PLCG1: variants seen among roughly 807,000 people sequenced by gnomAD.
PLCG1 encodes phospholipase C gamma 1.
A neutral mutation model predicts 177.8 loss-of-function variants in PLCG1; 71 were observed. The ratio of observed to expected loss-of-function variants is 0.40; its 90% confidence interval spans 0.33 to 0.49. The LOEUF (loss-of-function observed/expected upper bound fraction) is 0.49, where lower values mean the gene tolerates loss of function less well. Ranked by LOEUF, PLCG1 falls within the 20% of genes least tolerant of loss-of-function variation. The pLI, the probability that PLCG1 is intolerant of heterozygous loss-of-function variation, is 0.72. For synonymous variants in PLCG1, 658 were observed against 647.9 expected (o/e 1.02, Z -0.24); for missense variants, 1,281 against 1,709.0 (o/e 0.75, Z 4.42).
Position 41,156,497 on chromosome 20 carries a change from G to T in PLCG1, c.218-3109G>T, listed in dbSNP as rs569911548. Among the ~76,000 whole-genome samples, 3 of 152,136 alleles carry T rather than the reference G, an allele frequency of 2.0e-5. No homozygotes were observed. The highest frequency in any genetic ancestry group is 2.9e-5 in the Non-Finnish European group (2 of 68,024). Reference sequence around the variant, plus strand: ...CCTTTGTCATTATGCTATACATCAGGCTTCTGGGCTGCTACTTGTGGGATC... The same window carrying T: ...CCTTTGTCATTATGCTATACATCAGTCTTCTGGGCTGCTACTTGTGGGATC... On this transcript the variant is annotated intron_variant, in intron 1 of 31. Coordinates refer to ENST00000685551, the MANE Select transcript of PLCG1 (RefSeq NM_002660.3). The surrounding 1 kb of genome is among the most constrained non-coding windows in gnomAD (Gnocchi z 5.0).
intron 20 of PLCG1, among the ~76,000 whole-genome samples, chr20:41,168,371 A>G (rs966379095): frequency 6.6e-6 from 1 of 152,140 alleles, no homozygotes; most frequent in Non-Finnish European, 1.5e-5. Flanking sequence ...CACTTCACAG[A>G]TGAGTGGTAG....
rs1214244571 is a variant in PLCG1 at position 41,137,793 on chromosome 20, T to A, written c.152T>A (p.Phe51Tyr). ...KKSQRPERKTFQVKLETRQIT... is the reference protein window; with the variant it reads ...KKSQRPERKTYQVKLETRQIT... ...TCGCAGCGACCCGAGCGGAAGACCTTCCAGGTCAAGCTGGAGACGCGCCAG... is the reference window on the plus strand; with the variant it reads ...TCGCAGCGACCCGAGCGGAAGACCTACCAGGTCAAGCTGGAGACGCGCCAG... Residue 51 changes from phenylalanine to tyrosine, a missense_variant, in exon 1 of 32, where the codon TTC (phenylalanine) becomes TAC (tyrosine). Physicochemically the swap from Phe to Tyr is conservative, Grantham distance 22. Transcript: ENST00000685551. The surrounding 1 kb of genome is among the most constrained non-coding windows in gnomAD (Gnocchi z 7.3). 1.5e-6 allele frequency: 2 copies of A among 1,302,790 alleles called. No homozygotes were observed. Among genetic ancestry groups the A allele is most frequent in the African/African-American group, 1.5e-5 (1 of 65,822 alleles). 80.7% of individuals were successfully genotyped at this position (1,302,790 alleles called of 1,614,324 possible).
chr20:41,145,664 G>T (rs2146003770), intron 1 of PLCG1, among the ~76,000 whole-genome samples: 1 of 152,254 alleles, frequency 6.6e-6, no homozygotes, highest in Non-Finnish European at 1.5e-5. Context: ...GGGAATATGG[G>T]TGCCTAGAGA....
rs998609180 is a variant in PLCG1, at chr20:41,164,450, T to C, written c.1217+249T>C. ...TGGGTCCTTTAGACTGTAGAACACA[T>C]GCTCTTCTCATCTTCAGAAAACATG... On this transcript the variant is annotated intron_variant, in intron 12 of 31. Transcript: ENST00000685551. This position sits in a 1 kb window ranked among gnomAD's most constrained non-coding sequence, Gnocchi z 6.4. Among the ~76,000 whole-genome samples, 22 of 152,262 alleles carry C rather than the reference T, an allele frequency of 1.4e-4. No individual in the cohort carries two copies. The highest frequency in any genetic ancestry group is 5.3e-4 in the African/African-American group (22 of 41,552).
At position 41,166,201 on chromosome 20, in the gene PLCG1, G is replaced by C; in HGVS notation, c.1807G>C (p.Gly603Arg). ...ACTCTGTGTCTTCCACAGGCGGAACGGGAAAGTCCAGCACTGCCGTATCCA... is the reference window on the plus strand; with the variant it reads ...ACTCTGTGTCTTCCACAGGCGGAACCGGAAAGTCCAGCACTGCCGTATCCA... Reference protein sequence around the residue: ...GDYTLSFWRNGKVQHCRIHSR... With the variant: ...GDYTLSFWRNRKVQHCRIHSR... Residue 603 changes from glycine to arginine, a missense_variant, in exon 17 of 32, where the codon GGG becomes CGG. Around this residue, in one of 4 missense-constraint regions of PLCG1, gnomAD observed 723 missense variants for 1,030.0 expected, o/e 0.70. Coordinates refer to ENST00000685551, the MANE Select transcript of PLCG1 (RefSeq NM_002660.3). This position sits in a 1 kb window ranked among gnomAD's most constrained non-coding sequence, Gnocchi z 8.6. 6.2e-7 allele frequency: 1 copy of C among 1,613,080 alleles called. No individual in the cohort carries two copies. Among genetic ancestry groups the C allele is most frequent in the Non-Finnish European group, 8.5e-7 (1 of 1,179,958 alleles).
At chr20:41,162,606 A>G (rs1462283887) in intron 5 of PLCG1, 36 bp from the exon 6 acceptor site, 4 of 1,608,916 alleles carry the variant, frequency 2.5e-6, no homozygotes, top group Non-Finnish European at 3.4e-6. Flanking sequence ...TGGGGGCCTG[A>G]CTGCCTGACT....
rs560297215 is a variant in PLCG1 at position 41,151,550 on chromosome 20, C to T, written c.218-8056C>T. ...AATGGAAAGGGATAGCTACCCACCC[C>T]TCCACTTTGACCTTCCTTTGGTGGC... On this transcript the variant is annotated intron_variant, in intron 1 of 31. Coordinates refer to ENST00000685551, the MANE Select transcript of PLCG1 (RefSeq NM_002660.3). The surrounding 1 kb of genome is among the most constrained non-coding windows in gnomAD (Gnocchi z 5.5). Among the ~76,000 whole-genome samples, 1 of 152,318 alleles carries T rather than the reference C, an allele frequency of 6.6e-6. No individual in the cohort carries two copies. The highest frequency in any genetic ancestry group is 1.9e-4 in the East Asian group (1 of 5,186).
chr20:41,145,072 A>G (rs574128896), intron 1 of PLCG1, among the ~76,000 whole-genome samples: 11 of 152,316 alleles, frequency 7.2e-5, no homozygotes, highest in African/African-American at 2.2e-4. Context: ...GGTGAGTTCT[A>G]TGAAGGAAAT....
intron 20 of PLCG1, among the ~76,000 whole-genome samples, chr20:41,168,497 C>T (rs1219897966): frequency 2.6e-5 from 4 of 152,262 alleles, no homozygotes; most frequent in African/African-American, 9.6e-5. Context: ...AAGGTTCTCC[C>T]TGTGGCCCAG....
At chr20:41,162,764 G>A (rs754907645) in intron 6 of PLCG1, 39 bp downstream of exon 6, 3 of 1,522,846 alleles carry the variant, frequency 2.0e-6, no homozygotes, top group Admixed American at 3.5e-5. Context: ...CCCTGCCCCT[G>A]CTCTTCCACC....
chr20:41,167,888 C>T lies in PLCG1; in HGVS notation c.2338C>T (p.Pro780Ser). 1.2e-6 allele frequency: 2 copies of T among 1,613,888 alleles called. No homozygotes were observed. Among genetic ancestry groups the T allele is most frequent in the South Asian group, 2.2e-5 (2 of 91,068 alleles). The change falls in exon 20 of 32, where the codon CCT becomes TCT. Residue 780 changes from proline to serine, a missense_variant. Physicochemically the swap from Pro to Ser is moderately conservative, Grantham distance 74. This residue lies in a region of PLCG1 where 723 missense variants were observed against 1,030.0 expected (regional missense o/e 0.70). Coordinates refer to ENST00000685551, the MANE Select transcript of PLCG1 (RefSeq NM_002660.3). The surrounding 1 kb of genome is among the most constrained non-coding windows in gnomAD (Gnocchi z 4.4). Reference protein sequence around the residue: ...DYGALYEGRNPGFYVEANPMP... With the variant: ...DYGALYEGRNSGFYVEANPMP... ...CGGGGCCCTGTATGAGGGACGCAAC[C>T]CTGGCTTCTATGTAGAGGCAAACCC...
Position 41,159,848 on chromosome 20 carries a change from G to A in PLCG1, c.371-22G>A, listed in dbSNP as rs151159996. ...GTGGGAGGTATGTGCCCTCGGGGCA[G>A]CTATTGATACCTTGCTCACAGCCAC... On this transcript the variant is annotated intron_variant, in intron 2 of 31. Coordinates refer to ENST00000685551, the MANE Select transcript of PLCG1 (RefSeq NM_002660.3). The surrounding 1 kb of genome is among the most constrained non-coding windows in gnomAD (Gnocchi z 6.0). The A allele has an allele frequency of 2.0e-4, 317 of 1,613,392 alleles. 1 individual carries two copies. In the East Asian group the frequency reaches 3.7e-3, roughly 19 times the overall value.
rs761221479 is a variant in PLCG1 at position 41,165,667 on chromosome 20, A to G, written c.1640A>G (p.Asn547Ser). 18 of 1,613,850 alleles carry G rather than the reference A, an allele frequency of 1.1e-5. No homozygotes were observed. Among genetic ancestry groups the G allele is most frequent in the South Asian group, 4.4e-5 (4 of 91,060 alleles). ...AGCAGCAGCACAGAGCTGCACTCCA[A>G]TGAGAAGTGGTTCCATGGGAAGCTA... is the stretch of plus-strand genomic sequence containing the variant. ...EVSSSTELHSNEKWFHGKLGA... is the reference protein window; with the variant it reads ...EVSSSTELHSSEKWFHGKLGA... Residue 547 changes from asparagine (N) to serine (S), a missense_variant, in exon 16 of 32, where the codon AAT becomes AGT. Asn to Ser is a conservative substitution (Grantham distance 46). Transcript: ENST00000685551. The surrounding 1 kb of genome is among the most constrained non-coding windows in gnomAD (Gnocchi z 6.6).
Position 41,148,518 on chromosome 20 carries a change from G to C in PLCG1, c.217+10660G>C, listed in dbSNP as rs1300422736. 6.6e-6 allele frequency among the ~76,000 whole-genome samples: 1 copy of C among 152,078 alleles called. No homozygotes were observed. Among genetic ancestry groups the C allele is most frequent in the African/African-American group, 2.4e-5 (1 of 41,398 alleles). ...GAGAGACTTGGAGATATGCTGGGCT[G>C]TGGTCAGGAGGGCCTCATTTATCTA... On this transcript the variant is annotated intron_variant, in intron 1 of 31. Transcript: ENST00000685551. The surrounding 1 kb of genome is among the most constrained non-coding windows in gnomAD (Gnocchi z 4.3).
Position 41,173,681 on chromosome 20 carries a change from G to A in PLCG1, c.3424G>A (p.Ala1142Thr). The change falls in exon 29 of 32, where the codon GCC becomes ACC. Residue 1142 changes from alanine (A) to threonine (T), a missense_variant. Physicochemically the swap from Ala to Thr is moderately conservative, Grantham distance 58. This residue lies in a region of PLCG1 where 723 missense variants were observed against 1,030.0 expected (regional missense o/e 0.70). Transcript: ENST00000685551. The surrounding 1 kb of genome is among the most constrained non-coding windows in gnomAD (Gnocchi z 6.2). ...CAATGGACTCAACCCTGTATGGCCA[G>A]CCAAGCCCTTCCACTTCCAGATCAG... is the stretch of plus-strand genomic sequence containing the variant. ...VDNGLNPVWPAKPFHFQISNP... is the reference protein window; with the variant it reads ...VDNGLNPVWPTKPFHFQISNP... 6.2e-7 allele frequency: 1 copy of A among 1,614,194 alleles called. No homozygotes were observed. The highest frequency in any genetic ancestry group is 8.5e-7 in the Non-Finnish European group (1 of 1,180,036).
chr20:41,145,722 G>C (rs935001353), intron 1 of PLCG1, among the ~76,000 whole-genome samples: 2 of 152,194 alleles, frequency 1.3e-5, no homozygotes, highest in African/African-American at 4.8e-5. Context: ...AGTGTGAGAA[G>C]GGGTTGGTCC....
rs530977676 is a variant in PLCG1 at position 41,160,880 on chromosome 20, T to G, written c.512+727T>G. 2.3e-4 allele frequency among the ~76,000 whole-genome samples: 35 copies of G among 152,298 alleles called. No homozygotes were observed. The highest frequency in any genetic ancestry group is 7.0e-4 in the African/African-American group (29 of 41,552). On this transcript the variant is annotated intron_variant, in intron 4 of 31. Coordinates refer to ENST00000685551, the MANE Select transcript of PLCG1 (RefSeq NM_002660.3). This position sits in a 1 kb window ranked among gnomAD's most constrained non-coding sequence, Gnocchi z 5.5. ...ACTGGAAAACAGAGTCACCATTGAC[T>G]GAGATGAGAAGATCATGGGACTAGC...
rs1195091090 is a variant in PLCG1 at position 41,147,036 on chromosome 20, T to C, written c.217+9178T>C. On this transcript the variant is annotated intron_variant, in intron 1 of 31. Coordinates refer to ENST00000685551, the MANE Select transcript of PLCG1 (RefSeq NM_002660.3). This position sits in a 1 kb window ranked among gnomAD's most constrained non-coding sequence, Gnocchi z 4.0. ...GCAGCGATGGGGGCAGGGGTGATGGTCCTTCTCTGAGGCACTGAAGACCCA... is the reference window on the plus strand; with the variant it reads ...GCAGCGATGGGGGCAGGGGTGATGGCCCTTCTCTGAGGCACTGAAGACCCA... Among the ~76,000 whole-genome samples the C allele has an allele frequency of 6.6e-6, 1 of 152,258 alleles. No individual in the cohort carries two copies. Among genetic ancestry groups the C allele is most frequent in the Admixed American group, 6.5e-5 (1 of 15,300 alleles).
rs180773362 is a variant in PLCG1, at chr20:41,147,740, C to A, written c.217+9882C>A. Among the ~76,000 whole-genome samples the A allele has an allele frequency of 6.6e-6, 1 of 152,166 alleles. No homozygotes were observed. The highest frequency in any genetic ancestry group is 6.5e-5 in the Admixed American group (1 of 15,290). On this transcript the variant is annotated intron_variant, in intron 1 of 31. Transcript: ENST00000685551. This position sits in a 1 kb window ranked among gnomAD's most constrained non-coding sequence, Gnocchi z 4.0. The stretch of plus-strand genomic sequence containing the variant: ...GTCAGGCGCCTGTAACCCAGCTACT[C>A]AGGAAGCTGAGGCAGGATAATTGCT...
Sources: gnomAD v4.1 joint callset for allele counts (sites outside exome capture counted in the v4.1 genomes callset) on GRCh38, gnomAD v4.1.1 for gene constraint, gnomAD v4.1.1 regional missense constraint, Gnocchi (gnomAD v3.1) non-coding constraint, MANE v1.5 for transcripts, NCBI Gene and HGNC (gene_info 2026-07-23, HGNC 2026-07-21) for gene names.